The following CHODL variants were observed in gnomAD, a reference collection of about 807,000 sequenced individuals.
CHODL encodes the protein chondrolectin, also known as transmembrane protein MT75.
Under a neutral mutation model 34.5 loss-of-function variants are expected in CHODL, and 29 were observed. The observed-to-expected ratio is 0.84, with a 90% CI of 0.63 to 1.15. The LOEUF (loss-of-function observed/expected upper bound fraction) is 1.15. Ranked by LOEUF, CHODL falls within the 50% of genes most tolerant of loss-of-function variation. The pLI is 0.00. For missense variants in CHODL, 332 were observed against 332.5 expected, an observed-to-expected ratio of 1.00 and a Z score of 0.01; for synonymous variants, 125 against 116.1, an observed-to-expected ratio of 1.08 and a Z score of -0.49.
chr21:17,935,475 G>A (rs1363245023), intron 1 of CHODL, among the ~76,000 whole-genome samples: 1 of 152,070 alleles, frequency 6.6e-6, no homozygotes, highest in East Asian at 1.9e-4. Flanking sequence ...CTCTGATTAG[G>A]GGATGACTCT....
At position 18,073,542 on chromosome 21, in the gene CHODL, T is replaced by A. The variant is rs2064830551; in HGVS notation, c.-45+45571T>A. The stretch of plus-strand genomic sequence containing the variant: ...GGAAGATTCTATGAGTTTTTCTATT[T>A]TAAATTATTAACCTGAAAAAAATTT... On this transcript the variant is annotated intron_variant, in intron 2 of 6. Coordinates refer to the CHODL transcript ENST00000400127. Among the ~76,000 whole-genome samples, 10 of 152,104 alleles carry A rather than the reference T, an allele frequency of 6.6e-5. No homozygotes were observed. In the South Asian group the frequency reaches 2.1e-3, roughly 31 times the overall value.
chr21:18,080,628 A>G (rs566312015), intron 2 of CHODL, among the ~76,000 whole-genome samples: 1 of 152,244 alleles, frequency 6.6e-6, no homozygotes, highest in African/African-American at 2.4e-5. Flanking sequence ...TTCATCAAAG[A>G]TCAGTTGGTT....
rs757770886 is a variant in CHODL, at chr21:18,256,994, C to T, written c.414C>T (p.Ser138=). The stretch of plus-strand genomic sequence containing the variant: ...GAAACTGGTACACAGATGAACCTTC[C>T]TGCGGAAGTGAAAAGTGTGTTGTGA... The part of the protein sequence containing the change: ...QYRNWYTDEP[S]CGSEKCVVMY... The change falls in exon 3 of 6, where the codon TCC becomes TCT. Residue 138 remains serine (S), a synonymous_variant. Transcript: ENST00000299295. 20 of 1,613,516 alleles carry T rather than the reference C, an allele frequency of 1.2e-5. No individual in the cohort carries two copies. Among genetic ancestry groups the T allele is most frequent in the Non-Finnish European group, 1.7e-5 (20 of 1,179,766 alleles).
intron 1 of CHODL, among the ~76,000 whole-genome samples, chr21:17,958,463 C>G (rs2063508874): frequency 6.6e-6 from 1 of 152,158 alleles, no homozygotes; most frequent in Non-Finnish European, 1.5e-5. Context: ...TATCATACTA[C>G]TTCTCCCAAC....
intron 2 of CHODL, among the ~76,000 whole-genome samples, chr21:18,212,898 A>T (rs2073788286): frequency 6.6e-6 from 1 of 152,190 alleles, no homozygotes; most frequent in Non-Finnish European, 1.5e-5. Context: ...CTGGAACTAC[A>T]AACAAAGATG....
intron 2 of CHODL, among the ~76,000 whole-genome samples, chr21:18,189,306 C>T (rs897159781): frequency 3.9e-5 from 6 of 152,002 alleles, no homozygotes; most frequent in Non-Finnish European, 1.5e-5. Context: ...ACCAGGGTCT[C>T]CAAGAAACTT....
In CHODL at chr21:18,245,178, G is replaced by C; in HGVS notation, c.-46G>C. ...AGTCGCGGGCTGCGCCCTGGGCAGA[G>C]GCCGCCCTCGCTCCACGCAACACCT... On this transcript the variant is annotated 5_prime_UTR_variant, in exon 1 of 6. Coordinates refer to ENST00000299295, the MANE Select transcript of CHODL (RefSeq NM_024944.3). 6.8e-7 allele frequency: 1 copy of C among 1,465,166 alleles called. No individual in the cohort carries two copies. The highest frequency in any genetic ancestry group is 9.1e-7 in the Non-Finnish European group (1 of 1,099,324). 90.8% of individuals were successfully genotyped at this position (1,465,166 alleles called of 1,614,324 possible).
intron 1 of CHODL, among the ~76,000 whole-genome samples, chr21:17,927,124 GTATATATA>G (rs201448751): frequency 3.5e-5 from 4 of 114,630 alleles, no homozygotes; most frequent in South Asian, 2.9e-4. Context: ...ATGTATATAT[GTATATATA>G]TGTATATATG....
rs901280183 is a variant in CHODL, at chr21:18,152,368, C to T, written c.-44-104141C>T. ...GGTTTAAAACACATCTATTCATTTCCACATGGTTCTGAGGTAAGAAATCTG... is the reference window on the plus strand; with the variant it reads ...GGTTTAAAACACATCTATTCATTTCTACATGGTTCTGAGGTAAGAAATCTG... On this transcript the variant is annotated intron_variant, in intron 2 of 6. Transcript: ENST00000400127. 3.9e-5 allele frequency among the ~76,000 whole-genome samples: 6 copies of T among 152,078 alleles called. No homozygotes were observed. The East Asian group carries it at 9.6e-4, about 24-fold the overall frequency.
upstream of CHODL, among the ~76,000 whole-genome samples, chr21:18,240,027 G>T (rs1041649833): frequency 6.6e-6 from 1 of 152,008 alleles, no homozygotes; most frequent in African/African-American, 2.4e-5. Context: ...AAGCTGAAAA[G>T]GACTCTAGAA....
intron 2 of CHODL, among the ~76,000 whole-genome samples, chr21:18,056,313 T>C (rs1006653690): frequency 6.6e-6 from 1 of 151,834 alleles, no homozygotes; most frequent in Non-Finnish European, 1.5e-5. Context: ...TATTTATCTT[T>C]TAATAAAAGA....
chr21:18,265,175 A>C (rs746914601), intron 5 of CHODL, among the ~76,000 whole-genome samples: 5 of 149,492 alleles, frequency 3.3e-5, no homozygotes, highest in Non-Finnish European at 7.4e-5. Flanking sequence ...TGTGGTATAT[A>C]TATGTATATA....
Position 18,245,700 on chromosome 21 carries a change from C to T in CHODL, c.79+398C>T, listed in dbSNP as rs568797688. 8.5e-5 allele frequency among the ~76,000 whole-genome samples: 13 copies of T among 152,250 alleles called. No homozygotes were observed. The South Asian group carries it at 2.5e-3, about 29-fold the overall frequency. On this transcript the variant is annotated intron_variant, in intron 1 of 5. Transcript: ENST00000299295. ...GAAGAGCCACCGCAGAAATGCCACC[C>T]TCTGTCGCTCTGACTGGACTTTGGT...
At chr21:18,056,766 G>T (rs900447386) in intron 2 of CHODL, among the ~76,000 whole-genome samples, 3 of 151,856 alleles carry the variant, frequency 2.0e-5, no homozygotes, top group Non-Finnish European at 4.4e-5. Flanking sequence ...TTTTAATCAT[G>T]CTCCATGAAT....
chr21:18,153,724 T>C (rs2072999033), intron 2 of CHODL, among the ~76,000 whole-genome samples: 1 of 152,120 alleles, frequency 6.6e-6, no homozygotes, highest in Admixed American at 6.5e-5. Flanking sequence ...CACCCTCTTA[T>C]CTGCCTAAAA....
At chr21:18,002,315 T>C (rs1434895547) in intron 1 of CHODL, among the ~76,000 whole-genome samples, 1 of 152,222 alleles carries the variant, frequency 6.6e-6, no homozygotes, top group Non-Finnish European at 1.5e-5. Flanking sequence ...AGTGTAGAAA[T>C]GATTCCTAAC....
intron 1 of CHODL, among the ~76,000 whole-genome samples, chr21:18,013,025 A>C (rs909165269): frequency 9.9e-5 from 15 of 152,210 alleles, no homozygotes; most frequent in Non-Finnish European, 1.6e-4. Context: ...AGGATTAGAA[A>C]CTATCTGGAT....
At position 18,033,825 on chromosome 21, in the gene CHODL, G is replaced by A. The variant is rs939131293; in HGVS notation, c.-45+5854G>A. Among the ~76,000 whole-genome samples the A allele has an allele frequency of 9.2e-5, 14 of 152,018 alleles. No homozygotes were observed. The East Asian group carries it at 2.5e-3, about 27-fold the overall frequency. On this transcript the variant is annotated intron_variant, in intron 2 of 6. Transcript: ENST00000400127. ...CAACATAAGGGAAGAGAATCAAGAC[G>A]CTCACACACAATGTGACTTCAGAGA...
chr21:17,949,654 G>A (rs1319168334), intron 1 of CHODL, among the ~76,000 whole-genome samples: 1 of 152,172 alleles, frequency 6.6e-6, no homozygotes, highest in African/African-American at 2.4e-5. Context: ...TATCTCCTCT[G>A]ATCTTTAGCA....
Sources: allele counts gnomAD v4.1 joint callset (sites outside exome capture counted in the v4.1 genomes callset), GRCh38; gene constraint gnomAD v4.1.1; transcripts MANE v1.5; gene names NCBI Gene and HGNC (gene_info 2026-07-23, HGNC 2026-07-21).